Variants in NUDCD1 observed in about 807,000 individuals in gnomAD.
NUDCD1 encodes NudC domain containing 1.
A neutral mutation model predicts 67.8 loss-of-function variants in NUDCD1; 60 were observed. The observed-to-expected ratio is 0.88, with a 90% CI of 0.72 to 1.10. NUDCD1 has a LOEUF of 1.10. Ranked by LOEUF, NUDCD1 falls within the 50% of genes least tolerant of loss-of-function variation. The pLI, the probability that NUDCD1 is intolerant of heterozygous loss-of-function variation, is 0.00. For missense variants in NUDCD1, 643 were observed against 695.0 expected, an observed-to-expected ratio of 0.93 and a Z score of 0.84; for synonymous variants, 244 against 230.8, an observed-to-expected ratio of 1.06 and a Z score of -0.52.
chr8:109,288,787 G>T (rs1243477966), intron 5 of NUDCD1, among the ~76,000 whole-genome samples: 1 of 151,934 alleles, frequency 6.6e-6, no homozygotes, highest in African/African-American at 2.4e-5. Context: ...AAAAAAGGGA[G>T]ATTCAAAGAA....
intron 2 of NUDCD1, among the ~76,000 whole-genome samples, chr8:109,305,208 A>G (rs1815076358): frequency 6.6e-6 from 1 of 152,146 alleles, no homozygotes; most frequent in African/African-American, 2.4e-5. Flanking sequence ...ACATGCCCCG[A>G]GTCAGGAAAC....
At chr8:109,331,239 G>A (rs888324865) in intron 1 of NUDCD1, among the ~76,000 whole-genome samples, 1 of 152,132 alleles carries the variant, frequency 6.6e-6, no homozygotes, top group East Asian at 1.9e-4. Context: ...AGAGGCTGGG[G>A]CAGAGAACTG....
intron 2 of NUDCD1, among the ~76,000 whole-genome samples, chr8:109,311,572 T>TATATATATATATATATATA (rs1554617143): frequency 5.5e-5 from 8 of 145,358 alleles, no homozygotes; most frequent in Admixed American, 1.3e-4. Flanking sequence ...TATATATATA[T>TATATATATATATATATATA]GATGGGATAC....
intron 2 of NUDCD1, among the ~76,000 whole-genome samples, chr8:109,320,815 C>A (rs757979902): frequency 2.0e-5 from 3 of 152,208 alleles, no homozygotes; most frequent in African/African-American, 7.2e-5. Flanking sequence ...CGTTCTTCTG[C>A]CATGGCTTCA....
At chr8:109,296,642 G>A in intron 2 of NUDCD1, 73 bp from the exon 3 acceptor site, 1 of 1,028,752 alleles carries the variant, frequency 9.7e-7, no homozygotes, top group Non-Finnish European at 1.4e-6. Context: ...AATATCTGCG[G>A]TGTGGTGGTT....
Position 109,271,111 on chromosome 8 carries a change from T to C in NUDCD1, c.1193A>G (p.Glu398Gly), listed in dbSNP as rs1482181037. 6.4e-7 allele frequency: 1 copy of C among 1,570,940 alleles called. No homozygotes were observed. The highest frequency in any genetic ancestry group is 1.2e-5 in the South Asian group (1 of 85,008). ...SEELNPNPDK[E>G]KPPCNAQELE... ...CTCTTGAGCATTGCAAGGTGGTTTT[T>C]CTTTATCTGGATTTGGATTCTTAGT... The change falls in exon 8 of 10, where the codon GAA (glutamate) becomes GGA (glycine). Residue 398 changes from glutamate (E) to glycine (G), a missense_variant. Glu to Gly is a moderately conservative substitution (Grantham distance 98). Coordinates refer to ENST00000239690, the MANE Select transcript of NUDCD1 (RefSeq NM_032869.4).
chr8:109,319,163 C>G (rs1815474080), intron 2 of NUDCD1, among the ~76,000 whole-genome samples: 1 of 152,058 alleles, frequency 6.6e-6, no homozygotes, highest in Admixed American at 6.6e-5. Context: ...TTAGTAGAGA[C>G]AGGGTTTCAT....
chr8:109,288,972 T>G (rs961681298), intron 5 of NUDCD1, among the ~76,000 whole-genome samples: 1 of 149,994 alleles, frequency 6.7e-6, no homozygotes, highest in African/African-American at 2.5e-5. Flanking sequence ...TGAAATTTCT[T>G]GTTAGTCTTT....
At chr8:109,275,524 T>C (rs566404890) in intron 6 of NUDCD1, 28 bp from the exon 7 acceptor site, 1 of 1,580,458 alleles carries the variant, frequency 6.3e-7, no homozygotes, top group South Asian at 1.1e-5. Context: ...AAAAGTAATG[T>C]TACATTAAGC....
chr8:109,312,780 G>A (rs1461988469), intron 2 of NUDCD1, among the ~76,000 whole-genome samples: 2 of 152,204 alleles, frequency 1.3e-5, no homozygotes, highest in Non-Finnish European at 1.5e-5. Flanking sequence ...CAGGTGTTCT[G>A]TTGAACAGGA....
intron 2 of NUDCD1, among the ~76,000 whole-genome samples, chr8:109,301,934 C>G (rs1413827816): frequency 6.6e-6 from 1 of 152,036 alleles, no homozygotes; most frequent in Non-Finnish European, 1.5e-5. Flanking sequence ...CACCAACATT[C>G]CTTTGGTGGC....
intron 6 of NUDCD1, among the ~76,000 whole-genome samples, chr8:109,275,818 C>T (rs1199240455): frequency 3.3e-5 from 5 of 152,068 alleles, no homozygotes; most frequent in African/African-American, 1.2e-4. Context: ...AATAGAAATA[C>T]AAGAAGCATG....
Position 109,298,436 on chromosome 8 carries a change from C to T in NUDCD1, c.274-1867G>A, listed in dbSNP as rs574459047. Among the ~76,000 whole-genome samples the T allele has an allele frequency of 4.6e-5, 7 of 152,288 alleles. No homozygotes were observed. The East Asian group carries it at 7.7e-4, about 17-fold the overall frequency. On this transcript the variant is annotated intron_variant, in intron 2 of 9. Transcript: ENST00000239690. ...AAAACAGACTAGTCCACAAATGCTA[C>T]TGGGACACCAGAGAACTTCTGGGAA... is the stretch of plus-strand genomic sequence containing the variant.
At chr8:109,279,409 A>C (rs1177868420) in intron 6 of NUDCD1, among the ~76,000 whole-genome samples, 1 of 152,146 alleles carries the variant, frequency 6.6e-6, no homozygotes, top group African/African-American at 2.4e-5. Context: ...CTATTGTGAC[A>C]TGTCTATTCA....
intron 3 of NUDCD1, among the ~76,000 whole-genome samples, chr8:109,295,293 G>A (rs762663394): frequency 1.3e-5 from 2 of 152,056 alleles, no homozygotes; most frequent in Non-Finnish European, 2.9e-5. Flanking sequence ...TATCTCTCCT[G>A]CGCATTATTC....
chr8:109,242,468 A>G lies in NUDCD1; in HGVS notation c.*541T>C, dbSNP rs903161766. 1 of 239,240 alleles carries G rather than the reference A, an allele frequency of 4.2e-6. No homozygotes were observed. Among genetic ancestry groups the G allele is most frequent in the Admixed American group, 5.6e-5 (1 of 17,996 alleles). The allele number at this position is 239,240 out of a possible 1,614,324, so 14.8% of individuals were successfully genotyped here. ...GTGGCAGAGCAACTGGCTAAAAGTT[A>G]CATAAAGCTATACTTAATTTGAAAA... On this transcript the variant is annotated 3_prime_UTR_variant, in exon 10 of 10. Coordinates refer to ENST00000239690, the MANE Select transcript of NUDCD1 (RefSeq NM_032869.4).
At chr8:109,312,011 A>T (rs577104081) in intron 2 of NUDCD1, among the ~76,000 whole-genome samples, 13 of 152,166 alleles carry the variant, frequency 8.5e-5, no homozygotes, top group African/African-American at 2.9e-4. Flanking sequence ...ACTATAGTTT[A>T]AAAAAAGTCG....
intron 8 of NUDCD1, among the ~76,000 whole-genome samples, chr8:109,264,728 T>C (rs148151618): frequency 6.6e-6 from 1 of 152,254 alleles, no homozygotes; most frequent in Non-Finnish European, 1.5e-5. Flanking sequence ...GGAATCTGAA[T>C]ATATTTCAAC....
chr8:109,307,925 C>T (rs542314811), intron 2 of NUDCD1, among the ~76,000 whole-genome samples: 11 of 152,270 alleles, frequency 7.2e-5, no homozygotes, highest in East Asian at 5.8e-4. Context: ...GAAAATACCA[C>T]AATCCTAAAC....
Sources: gnomAD v4.1 joint callset for allele counts (sites outside exome capture counted in the v4.1 genomes callset) on GRCh38, gnomAD v4.1.1 for gene constraint, MANE v1.5 for transcripts, NCBI Gene and HGNC (gene_info 2026-07-23, HGNC 2026-07-21) for gene names.